ZNF804A: variants seen among roughly 807,000 people sequenced by gnomAD.
ZNF804A encodes the protein zinc finger protein 804A.
ZNF804A carries 2 observed loss-of-function variants against 16.5 expected under a neutral mutation model. The observed-to-expected ratio is 0.12, with a 90% confidence interval of 0.05 to 0.38. ZNF804A has a LOEUF of 0.38. Among genes scored for constraint, ZNF804A ranks in the 10% least tolerant of loss-of-function variants. The pLI is 0.99. For synonymous variants in ZNF804A, 534 were observed against 489.6 expected (o/e 1.09, Z -1.20); for missense variants, 1,473 against 1,390.7 (o/e 1.06, Z -0.94).
At chr2:184,751,462 A>G (rs1165552746) in intron 1 of ZNF804A, among the ~76,000 whole-genome samples, 1 of 151,490 alleles carries the variant, frequency 6.6e-6, no homozygotes, top group African/African-American at 2.4e-5. Flanking sequence ...TTTGGCAGTA[A>G]TTTCTTGGAT....
intron 1 of ZNF804A, among the ~76,000 whole-genome samples, chr2:184,638,821 C>T (rs1034899810): frequency 6.6e-6 from 1 of 152,128 alleles, no homozygotes; most frequent in Non-Finnish European, 1.5e-5. Context: ...TTACCATACA[C>T]CATTCGTATT....
Position 184,936,291 on chromosome 2 carries a change from G to T in ZNF804A, c.895G>T (p.Val299Phe). 1 of 1,613,880 alleles carries T rather than the reference G, an allele frequency of 6.2e-7. No individual in the cohort carries two copies. The highest frequency in any genetic ancestry group is 8.5e-7 in the Non-Finnish European group (1 of 1,179,930). ...ETVQTQEIKE[V>F]SSEKDALLLP... is the part of the protein sequence containing the mutation. ...TGTTCAAACTCAAGAGATAAAAGAA[G>T]TCTCTAGTGAAAAAGATGCATTATT... The change falls in exon 4 of 4, where the codon GTC (valine) becomes TTC (phenylalanine). Residue 299 changes from valine (V) to phenylalanine (F), a missense_variant. Physicochemically the swap from Val to Phe is conservative, Grantham distance 50. Coordinates refer to ENST00000302277, the MANE Select transcript of ZNF804A (RefSeq NM_194250.2).
intron 1 of ZNF804A, among the ~76,000 whole-genome samples, chr2:184,824,872 T>TC (rs149314627): frequency 0.074 from 11,299 of 152,090 alleles, 1,426 homozygotes; most frequent in African/African-American, 0.26. Flanking sequence ...GGCTTTTTTT[T>TC]CACAGCATAA....
rs191639979 is a variant in ZNF804A at position 184,784,779 on chromosome 2, G to A, written c.112-81590G>A. Among the ~76,000 whole-genome samples, 69 of 152,060 alleles carry A rather than the reference G, an allele frequency of 4.5e-4. 3 individuals carry two copies. The East Asian group carries it at 0.012, about 26-fold the overall frequency. ...TATTTCACTTCTTAACTCACCACAT[G>A]TAACAAATACATGCTTAAATATGAT... On this transcript the variant is annotated intron_variant, in intron 1 of 3. Coordinates refer to ENST00000302277, the MANE Select transcript of ZNF804A (RefSeq NM_194250.2).
chr2:184,815,612 T>A (rs936784970), intron 1 of ZNF804A, among the ~76,000 whole-genome samples: 2 of 151,980 alleles, frequency 1.3e-5, no homozygotes, highest in Admixed American at 1.3e-4. Flanking sequence ...CTAGTCTTAT[T>A]ATTTAATATC....
At chr2:184,621,665 G>A (rs145203715) in intron 1 of ZNF804A, among the ~76,000 whole-genome samples, 383 of 151,744 alleles carry the variant, frequency 2.5e-3, no homozygotes, top group African/African-American at 4.9e-3. Flanking sequence ...CTCCAAAGTA[G>A]GATGCATGTA....
chr2:184,759,219 A>G (rs1194118925), intron 1 of ZNF804A, among the ~76,000 whole-genome samples: 1 of 151,662 alleles, frequency 6.6e-6, no homozygotes, highest in Non-Finnish European at 1.5e-5. Context: ...CATTATTGAA[A>G]AAAAAATATG....
At chr2:184,673,376 A>G (rs1278533167) in intron 1 of ZNF804A, among the ~76,000 whole-genome samples, 4 of 152,186 alleles carry the variant, frequency 2.6e-5, no homozygotes, top group Non-Finnish European at 5.9e-5. Flanking sequence ...TAATTCATGT[A>G]TCTGTGTTGC....
In ZNF804A at chr2:184,938,172, A is replaced by G. The variant is rs774898588; in HGVS notation, c.2776A>G (p.Lys926Glu). 6.2e-7 allele frequency: 1 copy of G among 1,614,144 alleles called. No homozygotes were observed. The highest frequency in any genetic ancestry group is 8.5e-7 in the Non-Finnish European group (1 of 1,180,022). Residue 926 changes from lysine to glutamate, a missense_variant, in exon 4 of 4, where the codon AAA becomes GAA. Transcript: ENST00000302277. ...TSVCVASAPT[K>E]EAIDNTLLEH... ...TGTCTGTGTAGCTAGTGCCCCAACAAAAGAAGCAATTGACAATACCCTGCT... is the reference window on the plus strand; with the variant it reads ...TGTCTGTGTAGCTAGTGCCCCAACAGAAGAAGCAATTGACAATACCCTGCT...
intron 1 of ZNF804A, among the ~76,000 whole-genome samples, chr2:184,832,706 G>T (rs1442966270): frequency 6.6e-6 from 1 of 151,360 alleles, no homozygotes; most frequent in Admixed American, 6.6e-5. Context: ...ATTGTAAATT[G>T]CTTGATAAAT....
intron 1 of ZNF804A, among the ~76,000 whole-genome samples, chr2:184,761,127 C>T (rs1228217027): frequency 6.6e-6 from 1 of 152,070 alleles, no homozygotes; most frequent in Non-Finnish European, 1.5e-5. Context: ...AGTTTTACTA[C>T]CTCAGCATAT....
intron 1 of ZNF804A, among the ~76,000 whole-genome samples, chr2:184,761,255 A>G (rs1340461094): frequency 6.6e-6 from 1 of 152,194 alleles, no homozygotes; most frequent in East Asian, 1.9e-4. Flanking sequence ...CACAGTTGGG[A>G]TATTTTCAGT....
chr2:184,839,576 G>T (rs553299137), intron 1 of ZNF804A, among the ~76,000 whole-genome samples: 5,956 of 152,002 alleles, frequency 0.039, 366 homozygotes, highest in African/African-American at 0.13. Flanking sequence ...TCTCTTTCAA[G>T]AAAGGCCATA....
At position 184,937,702 on chromosome 2, in the gene ZNF804A, A is replaced by C. The variant is rs1455263359; in HGVS notation, c.2306A>C (p.Tyr769Ser). The change falls in exon 4 of 4, where the codon TAT becomes TCT. Residue 769 changes from tyrosine (Y) to serine (S), a missense_variant. By Grantham distance (144) the Tyr-to-Ser change is moderately radical. Coordinates refer to ENST00000302277, the MANE Select transcript of ZNF804A (RefSeq NM_194250.2). Reference sequence around the variant, plus strand: ...GTCATGAATGAATCAGAAAGATTCTATCGAAAACGTAGACAACATTCACAT... The same window carrying C: ...GTCATGAATGAATCAGAAAGATTCTCTCGAAAACGTAGACAACATTCACAT... ...NSVMNESERF[Y>S]RKRRQHSHSY... is the part of the protein sequence containing the mutation. 6.2e-7 allele frequency: 1 copy of C among 1,613,976 alleles called. No individual in the cohort carries two copies. The highest frequency in any genetic ancestry group is 2.2e-5 in the East Asian group (1 of 44,864).
At chr2:184,800,874 A>T (rs1287704967) in intron 1 of ZNF804A, among the ~76,000 whole-genome samples, 1 of 152,228 alleles carries the variant, frequency 6.6e-6, no homozygotes, top group East Asian at 1.9e-4. Flanking sequence ...TAAGAATAAG[A>T]GAAAGAAAAT....
At chr2:184,820,979 T>A (rs1025180191) in intron 1 of ZNF804A, among the ~76,000 whole-genome samples, 1 of 152,002 alleles carries the variant, frequency 6.6e-6, no homozygotes, top group African/African-American at 2.4e-5. Flanking sequence ...ATGGCAAAAA[T>A]TGCCATATTG....
At chr2:184,764,006 T>C (rs963236402) in intron 1 of ZNF804A, among the ~76,000 whole-genome samples, 12 of 152,050 alleles carry the variant, frequency 7.9e-5, no homozygotes, top group Admixed American at 7.2e-4. Flanking sequence ...CCCACCCCCA[T>C]GAAAACAAGG....
intron 1 of ZNF804A, among the ~76,000 whole-genome samples, chr2:184,790,970 T>C (rs1694530697): frequency 6.6e-6 from 1 of 152,294 alleles, no homozygotes; most frequent in African/African-American, 2.4e-5. Context: ...TAAAGTCTGT[T>C]TTATCTGATA....
intron 1 of ZNF804A, among the ~76,000 whole-genome samples, chr2:184,851,426 A>G (rs1695600569): frequency 6.6e-6 from 1 of 151,778 alleles, no homozygotes; most frequent in Non-Finnish European, 1.5e-5. Context: ...TACGTGACAT[A>G]ATGTGGTATT....
Sources: gnomAD v4.1 joint callset for allele counts (sites outside exome capture counted in the v4.1 genomes callset) on GRCh38, gnomAD v4.1.1 for gene constraint, MANE v1.5 for transcripts, NCBI Gene and HGNC (gene_info 2026-07-23, HGNC 2026-07-21) for gene names.